The following PPFIA2 variants were observed in gnomAD, a reference collection of about 807,000 sequenced individuals.
PPFIA2 encodes liprin-alpha-2.
Under a neutral mutation model 175.5 loss-of-function variants are expected in PPFIA2, and 46 were observed. That is an observed-to-expected ratio of 0.26 (90% confidence interval 0.21 to 0.34). The LOEUF (loss-of-function observed/expected upper bound fraction) is 0.34, where lower values mean the gene tolerates loss of function less well. Ranked by LOEUF, PPFIA2 falls within the 10% of genes least tolerant of loss-of-function variation. PPFIA2 has a pLI of 1.00. For synonymous variants in PPFIA2, 568 were observed against 511.4 expected (o/e 1.11, Z -1.49); for missense variants, 1,179 against 1,506.1 (o/e 0.78, Z 3.60).
intron 22 of PPFIA2, among the ~76,000 whole-genome samples, chr12:81,317,927 A>G (rs1223753014): frequency 6.6e-6 from 1 of 151,648 alleles, no homozygotes; most frequent in Non-Finnish European, 1.5e-5. Context: ...TACTATGTAC[A>G]TATGCCTGTC....
intron 4 of PPFIA2, among the ~76,000 whole-genome samples, chr12:81,459,670 C>T (rs577877907): frequency 7.1e-4 from 108 of 152,114 alleles, no homozygotes; most frequent in African/African-American, 2.4e-3. Flanking sequence ...GTTTTTAAAG[C>T]AGAGGGGAGA....
At chr12:81,650,683 T>C (rs994192455) in intron 4 of PPFIA2, among the ~76,000 whole-genome samples, 3 of 152,224 alleles carry the variant, frequency 2.0e-5, no homozygotes, top group African/African-American at 7.2e-5. Flanking sequence ...ATGCAATATT[T>C]CTCAAATAAT....
chr12:81,718,305 G>A (rs1311780448), intron 3 of PPFIA2, among the ~76,000 whole-genome samples: 1 of 151,556 alleles, frequency 6.6e-6, no homozygotes, highest in Non-Finnish European at 1.5e-5. Flanking sequence ...AGGAAACTGA[G>A]TCCCAGTCAT....
chr12:81,467,040 C>G (rs988408936), intron 4 of PPFIA2, among the ~76,000 whole-genome samples: 2 of 150,874 alleles, frequency 1.3e-5, no homozygotes, highest in Non-Finnish European at 2.9e-5. Flanking sequence ...ACTCATTGCC[C>G]TTTTTCTTTG....
At chr12:81,713,872 A>T (rs905201440) in intron 3 of PPFIA2, among the ~76,000 whole-genome samples, 5 of 151,376 alleles carry the variant, frequency 3.3e-5, no homozygotes, top group African/African-American at 1.2e-4. Flanking sequence ...ATTCTAGAGA[A>T]ATGTGAACAG....
intron 8 of PPFIA2, among the ~76,000 whole-genome samples, chr12:81,393,526 T>C (rs1257063058): frequency 1.3e-5 from 2 of 152,082 alleles, no homozygotes; most frequent in Non-Finnish European, 1.5e-5. Context: ...TCTCCTCTAC[T>C]GTGTCTTGAT....
intron 4 of PPFIA2, among the ~76,000 whole-genome samples, chr12:81,582,316 A>G (rs1567436715): frequency 6.6e-6 from 1 of 151,726 alleles, no homozygotes; most frequent in Non-Finnish European, 1.5e-5. Flanking sequence ...AATGCCTGTG[A>G]TTTTCTTCAT....
intron 4 of PPFIA2, among the ~76,000 whole-genome samples, chr12:81,481,902 A>G (rs1195802840): frequency 6.6e-6 from 1 of 152,254 alleles, no homozygotes; most frequent in Non-Finnish European, 1.5e-5. Context: ...GGAGCTAATT[A>G]AACTAAAGAG....
intron 3 of PPFIA2, among the ~76,000 whole-genome samples, chr12:81,746,477 C>T (rs528300797): frequency 7.1e-6 from 1 of 141,662 alleles, no homozygotes; most frequent in South Asian, 2.3e-4. Context: ...GTATAGAAGT[C>T]GAAAAAATTG....
At chr12:81,420,031 C>T (rs919369235) in intron 7 of PPFIA2, among the ~76,000 whole-genome samples, 4 of 152,152 alleles carry the variant, frequency 2.6e-5, no homozygotes, top group South Asian at 2.1e-4. Context: ...CTACTAAAAA[C>T]GCTGTAGTCT....
chr12:81,267,327 A>C, intron 29 of PPFIA2: 15 of 419,716 alleles, frequency 3.6e-5, no homozygotes, highest in South Asian at 2.7e-4. Flanking sequence ...ATATGTAAAA[A>C]CAAAATAAAA....
intron 3 of PPFIA2, among the ~76,000 whole-genome samples, chr12:81,689,047 T>C (rs941996143): frequency 3.3e-5 from 5 of 151,524 alleles, no homozygotes; most frequent in African/African-American, 7.3e-5. Context: ...AAGTATTTTA[T>C]GGTCATATAT....
intron 4 of PPFIA2, among the ~76,000 whole-genome samples, chr12:81,666,743 C>A (rs2070390634): frequency 6.6e-6 from 1 of 151,774 alleles, no homozygotes; most frequent in South Asian, 2.1e-4. Context: ...CACACGTACC[C>A]TAAAACTTAA....
chr12:81,746,464 G>A (rs2083079645), intron 3 of PPFIA2, among the ~76,000 whole-genome samples: 1 of 143,616 alleles, frequency 7.0e-6, no homozygotes, highest in Admixed American at 7.4e-5. Flanking sequence ...AAATCAGACT[G>A]CAGTATAGAA....
intron 4 of PPFIA2, among the ~76,000 whole-genome samples, chr12:81,466,597 A>G (rs996646997): frequency 5.3e-5 from 8 of 152,036 alleles, no homozygotes; most frequent in Non-Finnish European, 1.0e-4. Context: ...TTCTCAATGT[A>G]TATAGAGAGC....
At chr12:81,671,484 T>C (rs1173334858) in intron 4 of PPFIA2, among the ~76,000 whole-genome samples, 2 of 151,964 alleles carry the variant, frequency 1.3e-5, no homozygotes, top group African/African-American at 2.4e-5. Context: ...CACTATCCTT[T>C]GGAAGAAAGA....
At chr12:81,696,497 T>C (rs1476250987) in intron 3 of PPFIA2, among the ~76,000 whole-genome samples, 1 of 152,118 alleles carries the variant, frequency 6.6e-6, no homozygotes, top group African/African-American at 2.4e-5. Flanking sequence ...TATTTAAACC[T>C]TGCATATTTA....
At chr12:81,610,488 T>G (rs2060781344) in intron 4 of PPFIA2, among the ~76,000 whole-genome samples, 1 of 152,224 alleles carries the variant, frequency 6.6e-6, no homozygotes. Context: ...CTTTAAGCTC[T>G]GAGATTCTTT....
chr12:81,560,360 CT>C (rs1567332763), intron 4 of PPFIA2, among the ~76,000 whole-genome samples: 1 of 151,850 alleles, frequency 6.6e-6, no homozygotes, highest in Non-Finnish European at 1.5e-5. Flanking sequence ...AGATGTAGAA[CT>C]ATATGTGAAA....
Sources: gnomAD v4.1 joint callset for allele counts (sites outside exome capture counted in the v4.1 genomes callset) on GRCh38, gnomAD v4.1.1 for gene constraint, MANE v1.5 for transcripts, NCBI Gene and HGNC (gene_info 2026-07-23, HGNC 2026-07-21) for gene names.